The following AXIN1 variants were observed in gnomAD, a reference collection of about 807,000 sequenced individuals.
AXIN1 encodes axin 1.
Under a neutral mutation model 76.4 loss-of-function variants are expected in AXIN1, and 30 were observed. The ratio of observed to expected loss-of-function variants is 0.39; its 90% confidence interval spans 0.29 to 0.53. AXIN1 has a LOEUF of 0.53. Among genes scored for constraint, AXIN1 ranks in the 20% least tolerant of loss-of-function variants. AXIN1 has a pLI of 0.66. For missense variants in AXIN1, 1,140 were observed against 1,198.8 expected, an observed-to-expected ratio of 0.95 and a Z score of 0.72; for synonymous variants, 545 against 501.4, an observed-to-expected ratio of 1.09 and a Z score of -1.16.
At chr16:290,721 G>A in intron 9 of AXIN1, 2 of 309,980 alleles carry the variant, frequency 6.5e-6, no homozygotes, top group Non-Finnish European at 1.3e-5. Context: ...TGGGAGCAGA[G>A]CCCCGACTCA....
intron 2 of AXIN1, among the ~76,000 whole-genome samples, chr16:319,794 G>A (rs2053398284): frequency 2.0e-5 from 3 of 152,170 alleles, no homozygotes; most frequent in Admixed American, 6.5e-5. Context: ...TAAGCAGCCT[G>A]CCTTTTAAAA....
chr16:301,197 G>A (rs1289965120), intron 5 of AXIN1, among the ~76,000 whole-genome samples: 2 of 151,974 alleles, frequency 1.3e-5, no homozygotes, highest in African/African-American at 2.4e-5. Context: ...CGTGAACCCG[G>A]GAGGCAGAGC....
chr16:295,945 C>T (rs532463801), intron 7 of AXIN1, among the ~76,000 whole-genome samples: 4 of 150,628 alleles, frequency 2.7e-5, no homozygotes, highest in Non-Finnish European at 4.4e-5. Flanking sequence ...CCAGCCCGGG[C>T]GACAGAGCTA....
chr16:301,836 G>C (rs1489804239), intron 5 of AXIN1, among the ~76,000 whole-genome samples: 1 of 152,142 alleles, frequency 6.6e-6, no homozygotes, highest in Non-Finnish European at 1.5e-5. Context: ...CGGCCAACAC[G>C]GCAGCAAAAC....
At chr16:324,994 G>A (rs2053547992) in intron 2 of AXIN1, among the ~76,000 whole-genome samples, 1 of 152,180 alleles carries the variant, frequency 6.6e-6, no homozygotes, top group African/African-American at 2.4e-5. Flanking sequence ...CGCACGGCTG[G>A]GTGCTCAGCG....
chr16:293,576 C>T lies in AXIN1; in HGVS notation c.2098G>A (p.Ala700Thr), dbSNP rs1301021320. The change falls in exon 8 of 11, where the codon GCT (alanine) becomes ACT (threonine). Residue 700 changes from alanine (A) to threonine (T), a missense_variant. Transcript: ENST00000262320. The surrounding 1 kb of genome is among the most constrained non-coding windows in gnomAD (Gnocchi z 4.6). The stretch of plus-strand genomic sequence containing the variant: ...TCCAGCTGGGTTAGGGGGTTGGGAG[C>T]TGGGTGGGGTGGCATGGTGGGGTCT... ...IQDPTMPPHP[A>T]PNPLTQLEEA... 6.2e-7 allele frequency: 1 copy of T among 1,612,298 alleles called. No individual in the cohort carries two copies. Among genetic ancestry groups the T allele is most frequent in the Non-Finnish European group, 8.5e-7 (1 of 1,179,938 alleles).
Position 352,209 on chromosome 16 carries a change from G to A in AXIN1, c.-82+160C>T, listed in dbSNP as rs960322621. Among the ~76,000 whole-genome samples the A allele has an allele frequency of 4.0e-5, 6 of 151,524 alleles. No individual in the cohort carries two copies. In the East Asian group the frequency reaches 5.8e-4, roughly 15 times the overall value. On this transcript the variant is annotated intron_variant, in intron 1 of 10. Coordinates refer to ENST00000262320, the MANE Select transcript of AXIN1 (RefSeq NM_003502.4). ...CCTCGGACCTCCAAGCGGCCACCGCGCCGCCAGTCCCGCTGCCCAGGGACA... is the reference window on the plus strand; with the variant it reads ...CCTCGGACCTCCAAGCGGCCACCGCACCGCCAGTCCCGCTGCCCAGGGACA...
intron 3 of AXIN1, 109 bp from the exon 4 acceptor site, chr16:310,178 C>A: frequency 1.1e-6 from 1 of 935,986 alleles, no homozygotes; most frequent in Non-Finnish European, 1.7e-6. Flanking sequence ...ATGATGAGGA[C>A]ACCTGTGAGC....
rs996962510 is a variant in AXIN1 at position 350,751 on chromosome 16, C to A, written c.-82+1618G>T. On this transcript the variant is annotated intron_variant, in intron 1 of 10. Coordinates refer to ENST00000262320, the MANE Select transcript of AXIN1 (RefSeq NM_003502.4). The stretch of plus-strand genomic sequence containing the variant: ...CTTAGCTTTTCTGAAACTAGAAACC[C>A]AAGACAAGTCAACACCAGCTGAAAA... Among the ~76,000 whole-genome samples the A allele has an allele frequency of 7.9e-5, 12 of 152,270 alleles. No individual in the cohort carries two copies. The East Asian group carries it at 1.3e-3, about 17-fold the overall frequency.
chr16:299,021 C>T (rs2052795786), intron 5 of AXIN1: 7 of 951,976 alleles, frequency 7.4e-6, no homozygotes, highest in Non-Finnish European at 8.8e-6. Context: ...CCCACCTCGG[C>T]CTCCCAAAGT....
rs2141546479 is a variant in AXIN1, at chr16:304,390, C to T, written c.1168G>A (p.Glu390Lys). Residue 390 changes from glutamate (E) to lysine (K), a missense_variant, in exon 5 of 11, where the codon GAG (glutamate) becomes AAG (lysine). By Grantham distance (56) the Glu-to-Lys change is moderately conservative. This residue lies in a region of AXIN1 where 708 missense variants were observed against 776.9 expected (regional missense o/e 0.91). Coordinates refer to ENST00000262320, the MANE Select transcript of AXIN1 (RefSeq NM_003502.4). ...GCCTCCAGGCGGTGGATGAGCTCCT[C>T]CGCGAACTTCTGAGGCTCCACGCGG... ...EVRVEPQKFA[E>K]ELIHRLEAVQ... 1.2e-6 allele frequency: 2 copies of T among 1,612,736 alleles called. No individual in the cohort carries two copies. Among genetic ancestry groups the T allele is most frequent in the Non-Finnish European group, 1.7e-6 (2 of 1,179,942 alleles).
chr16:291,428 CCA>C (rs1276837948), intron 8 of AXIN1, 131 bp from the exon 9 acceptor site: 2 of 783,372 alleles, frequency 2.6e-6, no homozygotes, highest in East Asian at 5.4e-5. Context: ...TGCGCAGGCT[CCA>C]GTTTGCAGGG....
rs1251185728 is a variant in AXIN1 at position 287,481 on chromosome 16, C to CTT, written c.*639_*640dup. 1.6e-5 allele frequency: 6 copies of CTT among 374,676 alleles called. 1 individual carries two copies. The highest frequency in any genetic ancestry group is 2.9e-5 in the Non-Finnish European group (6 of 210,328). 23.2% of individuals were successfully genotyped at this position (374,676 alleles called of 1,614,324 possible). On this transcript the variant is annotated 3_prime_UTR_variant, in exon 11 of 11. Transcript: ENST00000262320. Reference sequence around the variant, plus strand: ...TTTTATTTCATTATTATCCAAGTACCTTTGAAAAGATAATTAATTGTACAA... The same window carrying CTT: ...TTTTATTTCATTATTATCCAAGTACCTTTTTGAAAAGATAATTAATTGTACAA...
At chr16:291,500 G>A (rs34567568) in intron 8 of AXIN1, 89,552 of 618,616 alleles carry the variant, frequency 0.14, 7,144 homozygotes, top group South Asian at 0.2. Context: ...ACTGCAGCGC[G>A]CCCCACATTC....
chr16:346,916 G>A lies in AXIN1; in HGVS notation c.110C>T (p.Pro37Leu), dbSNP rs201808684. The stretch of plus-strand genomic sequence containing the variant: ...GCAGAAACTGTAGCTGGCGGGCCTC[G>A]GGTCTGTGGACACCAGTTCTCCCTC... Reference protein sequence around the residue: ...GEEGELVSTDPRPASYSFCSG... With the variant: ...GEEGELVSTDLRPASYSFCSG... Residue 37 changes from proline (P) to leucine (L), a missense_variant, in exon 2 of 11, where the codon CCG (proline) becomes CTG (leucine). This residue lies in a region of AXIN1 where 708 missense variants were observed against 776.9 expected (regional missense o/e 0.91). Coordinates refer to ENST00000262320, the MANE Select transcript of AXIN1 (RefSeq NM_003502.4). 35 of 1,614,010 alleles carry A rather than the reference G, an allele frequency of 2.2e-5. No individual in the cohort carries two copies. In the Admixed American group the frequency reaches 2.5e-4, roughly 12 times the overall value.
At chr16:334,207 A>C (rs1008773095) in intron 2 of AXIN1, among the ~76,000 whole-genome samples, 7 of 145,898 alleles carry the variant, frequency 4.8e-5, no homozygotes, top group African/African-American at 1.8e-4. Context: ...TGGCATGCCA[A>C]TAACACAGCA....
At position 305,165 on chromosome 16, in the gene AXIN1, T is replaced by G. The variant is rs543598938; in HGVS notation, c.1117-724A>C. On this transcript the variant is annotated intron_variant, in intron 4 of 10. Coordinates refer to ENST00000262320, the MANE Select transcript of AXIN1 (RefSeq NM_003502.4). ...CAGGGGAGGTCTGGGAAAGGCAGGC[T>G]TTCCTTTTTAAAAGAATCTAAAGGC... 1.8e-3 allele frequency among the ~76,000 whole-genome samples: 278 copies of G among 152,340 alleles called. 1 individual carries two copies. The highest frequency in any genetic ancestry group is 6.8e-3 in the Middle Eastern group (2 of 294).
At chr16:336,154 G>C (rs1488331894) in intron 2 of AXIN1, among the ~76,000 whole-genome samples, 1 of 152,198 alleles carries the variant, frequency 6.6e-6, no homozygotes, top group African/African-American at 2.4e-5. Context: ...AGAATTTCTT[G>C]AACCCAGGAG....
intron 7 of AXIN1, among the ~76,000 whole-genome samples, chr16:295,549 G>A (rs377020905): frequency 1.3e-5 from 2 of 149,720 alleles, no homozygotes; most frequent in Non-Finnish European, 2.9e-5. Context: ...AGACTCTGTC[G>A]CAAAAAATTA....
Sources: allele counts gnomAD v4.1 joint callset (sites outside exome capture counted in the v4.1 genomes callset), GRCh38; gene constraint gnomAD v4.1.1; regional missense constraint gnomAD v4.1.1; non-coding constraint Gnocchi (gnomAD v3.1); transcripts MANE v1.5; gene names NCBI Gene and HGNC (gene_info 2026-07-23, HGNC 2026-07-21).